The following DENND4C variants were observed in gnomAD, a reference collection of about 807,000 sequenced individuals.
DENND4C encodes the protein DENN domain containing 4C.
Under a neutral mutation model 203.0 loss-of-function variants are expected in DENND4C, and 108 were observed. The ratio of observed to expected loss-of-function variants is 0.53; its 90% CI spans 0.46 to 0.62. DENND4C has a LOEUF of 0.62. Among genes scored for constraint, DENND4C ranks in the 20% least tolerant of loss-of-function variants. The probability of loss-of-function intolerance (pLI) is 0.00; values close to 1 mark genes in which losing one functional copy is unlikely to be tolerated. For missense variants in DENND4C, 2,481 were observed against 2,301.2 expected (o/e 1.08, Z -1.60); for synonymous variants, 871 against 792.4 (o/e 1.10, Z -1.67).
chr9:19,320,933 A>T (rs1010052005), intron 12 of DENND4C, among the ~76,000 whole-genome samples: 17 of 152,212 alleles, frequency 1.1e-4, no homozygotes, highest in Admixed American at 5.2e-4. Flanking sequence ...ACTAATTAGT[A>T]TCTAAAAGGG....
chr9:19,356,773 A>ATG (rs753321782), intron 26 of DENND4C, among the ~76,000 whole-genome samples, 199 bp from the exon 27 acceptor site: 10,127 of 136,398 alleles, frequency 0.074, 335 homozygotes, highest in African/African-American at 0.12. Context: ...GAGAGCAGGA[A>ATG]TGTGTGTGTG....
chr9:19,314,576 A>G (rs920153644), intron 10 of DENND4C, among the ~76,000 whole-genome samples: 2 of 152,232 alleles, frequency 1.3e-5, no homozygotes, highest in African/African-American at 4.8e-5. Flanking sequence ...TTTAAAAAAC[A>G]TTGACATATT....
Position 19,276,377 on chromosome 9 carries a change from C to T in DENND4C, c.203C>T (p.Pro68Leu), listed in dbSNP as rs1832904172. Residue 68 changes from proline to leucine, a missense_variant, in exon 2 of 33, where the codon CCA becomes CTA. Pro to Leu is a moderately conservative substitution (Grantham distance 98, BLOSUM62 -3). This residue lies in a region of DENND4C where 187 missense variants were observed against 167.4 expected (regional missense o/e 1.12). Coordinates refer to ENST00000434457, the MANE Select transcript of DENND4C (RefSeq NM_001330640.2). ...GGTTACACCTGTGTAGAAGCCACTC[C>T]ATCAGCTCTCCAAGCAAACTTGAAC... ...PEGYTCVEAT[P>L]SALQANLNYG... 8.1e-7 allele frequency: 1 copy of T among 1,231,882 alleles called. No individual in the cohort carries two copies. Among genetic ancestry groups the T allele is most frequent in the Admixed American group, 4.2e-5 (1 of 23,702 alleles). 76.3% of individuals were successfully genotyped at this position (1,231,882 alleles called of 1,614,324 possible). A position where few individuals can be genotyped will look rare whatever the true frequency, so the allele number is the denominator to read the frequency against.
At chr9:19,318,129 G>A (rs1446179875) in intron 12 of DENND4C, among the ~76,000 whole-genome samples, 1 of 152,164 alleles carries the variant, frequency 6.6e-6, no homozygotes, top group Non-Finnish European at 1.5e-5. Flanking sequence ...GACCAGCCTG[G>A]CCAACATGGT....
At chr9:19,328,645 GTC>G (rs1474762710) in intron 16 of DENND4C, among the ~76,000 whole-genome samples, 1 of 127,946 alleles carries the variant, frequency 7.8e-6, no homozygotes. Context: ...CTGTCTGTCT[GTC>G]TGTCTGTCTG....
intron 1 of DENND4C, among the ~76,000 whole-genome samples, chr9:19,252,158 C>T (rs1022188821): frequency 1.3e-5 from 2 of 152,110 alleles, no homozygotes; most frequent in South Asian, 2.1e-4. Flanking sequence ...ACAATCATGG[C>T]AGAAGGCAAG....
intron 10 of DENND4C, among the ~76,000 whole-genome samples, chr9:19,311,359 C>A (rs1417153454): frequency 6.6e-6 from 1 of 152,142 alleles, no homozygotes; most frequent in Non-Finnish European, 1.5e-5. Context: ...CTCCTGACCT[C>A]AGGTGATCCG....
In DENND4C at chr9:19,346,624, A is replaced by C. The variant is rs1822946596; in HGVS notation, c.3855A>C (p.Ile1285=). 1 of 1,614,204 alleles carries C rather than the reference A, an allele frequency of 6.2e-7. No individual in the cohort carries two copies. The highest frequency in any genetic ancestry group is 1.3e-5 in the African/African-American group (1 of 75,054). Residue 1285 remains isoleucine, a synonymous_variant, in exon 23 of 33, where the codon ATA becomes ATC. Transcript: ENST00000434457. The part of the protein sequence containing the change: ...PVIARNLADE[I]ESYMNLKSPL... ...TTGCACGTAATCTGGCTGATGAAATAGAAAGCTATATGAACCTAAAAAGTC... is the reference window on the plus strand; with the variant it reads ...TTGCACGTAATCTGGCTGATGAAATCGAAAGCTATATGAACCTAAAAAGTC...
At chr9:19,276,587 T>G in intron 2 of DENND4C, 108 bp downstream of exon 2, 1 of 596,802 alleles carries the variant, frequency 1.7e-6, no homozygotes, top group East Asian at 3.5e-5. Flanking sequence ...TGATAGTTTA[T>G]TATTATTGAT....
At chr9:19,367,339 G>A (rs958451395) in intron 30 of DENND4C, among the ~76,000 whole-genome samples, 3 of 152,214 alleles carry the variant, frequency 2.0e-5, no homozygotes, top group African/African-American at 7.2e-5. Flanking sequence ...TTGCACTCAC[G>A]TATATACCTA....
intron 1 of DENND4C, among the ~76,000 whole-genome samples, chr9:19,247,802 T>C (rs1048720711): frequency 6.6e-6 from 1 of 152,220 alleles, no homozygotes; most frequent in Non-Finnish European, 1.5e-5. Context: ...TTTCTCAGAC[T>C]TTACTCTCTC....
chr9:19,296,177 C>T lies in DENND4C; in HGVS notation c.971C>T (p.Ala324Val), dbSNP rs1054131724. Residue 324 changes from alanine to valine, a missense_variant, in exon 6 of 33, where the codon GCT becomes GTT. This residue lies in a region of DENND4C where 2,289 missense variants were observed against 2,113.3 expected (regional missense o/e 1.08). Transcript: ENST00000434457. ...CTCTCACACTGGCCTTTTTTTGAAG[C>T]TTTTAGGAAATTTCTTATGTTTATC... ...CLLSHWPFFE[A>V]FRKFLMFIYK... The T allele has an allele frequency of 6.2e-7, 1 of 1,613,690 alleles. No homozygotes were observed. Among genetic ancestry groups the T allele is most frequent in the Non-Finnish European group, 8.5e-7 (1 of 1,179,868 alleles).
In DENND4C at chr9:19,336,678, A is replaced by G. The variant is rs367706338; in HGVS notation, c.2735-8A>G. ...GAGTTATTGAACTGCTATTGTCCTT[A>G]TCTTTAGCTCTTCAAAATGTCACAG... On this transcript the variant is annotated splice_region_variant and splice_polypyrimidine_tract_variant and intron_variant, in intron 19 of 32. Transcript: ENST00000434457. 2 of 1,550,198 alleles carry G rather than the reference A, an allele frequency of 1.3e-6. No homozygotes were observed. Among genetic ancestry groups the G allele is most frequent in the Non-Finnish European group, 8.7e-7 (1 of 1,146,648 alleles).
intron 1 of DENND4C, among the ~76,000 whole-genome samples, chr9:19,232,205 G>A (rs1820754369): frequency 6.6e-6 from 1 of 152,124 alleles, no homozygotes; most frequent in Admixed American, 6.6e-5. Flanking sequence ...AGTCGGCAAT[G>A]AAGTTAGATT....
intron 16 of DENND4C, among the ~76,000 whole-genome samples, chr9:19,329,120 T>C (rs531523520): frequency 1.3e-5 from 2 of 152,292 alleles, no homozygotes; most frequent in East Asian, 3.9e-4. Context: ...TTTAGTGGCT[T>C]TTAGTATATT....
intron 12 of DENND4C, among the ~76,000 whole-genome samples, chr9:19,318,345 T>C (rs567577748): frequency 1.3e-5 from 2 of 151,980 alleles, no homozygotes; most frequent in Non-Finnish European, 2.9e-5. Flanking sequence ...TAAAAATAAA[T>C]AAATAAATAA....
At chr9:19,259,372 G>T (rs553423484) in intron 1 of DENND4C, among the ~76,000 whole-genome samples, 26 of 152,104 alleles carry the variant, frequency 1.7e-4, no homozygotes, top group Admixed American at 1.1e-3. Context: ...TTGTGTTTCT[G>T]TGCCTGGCTT....
At chr9:19,354,064 G>A (rs6475323) in intron 26 of DENND4C, among the ~76,000 whole-genome samples, 28,416 of 151,876 alleles carry the variant, frequency 0.19, 4,625 homozygotes, top group African/African-American at 0.44. Flanking sequence ...CCTATTCTAC[G>A]AAGACACTGA....
intron 2 of DENND4C, among the ~76,000 whole-genome samples, chr9:19,285,096 A>T (rs1157992301): frequency 6.6e-6 from 1 of 152,150 alleles, no homozygotes; most frequent in Non-Finnish European, 1.5e-5. Context: ...TTTTTTTCCA[A>T]ATAACAATCC....
Sources: allele counts gnomAD v4.1 joint callset (sites outside exome capture counted in the v4.1 genomes callset), GRCh38; gene constraint gnomAD v4.1.1; regional missense constraint gnomAD v4.1.1; transcripts MANE v1.5; gene names NCBI Gene and HGNC (gene_info 2026-07-23, HGNC 2026-07-21).